DMD: variants seen among roughly 807,000 people sequenced by gnomAD.
The protein encoded by DMD is dystrophin, also known as mutant dystrophin.
A neutral mutation model predicts 330.1 loss-of-function variants in DMD; 63 were observed. That is an observed-to-expected ratio of 0.19 (90% CI 0.16 to 0.24). DMD has a LOEUF of 0.24. Ranked by LOEUF, DMD falls within the 10% of genes least tolerant of loss-of-function variation. DMD has a pLI of 1.00. For synonymous variants in DMD, 1,223 were observed against 959.8 expected (o/e 1.27, Z -5.07); for missense variants, 3,344 against 2,684.1 (o/e 1.25, Z -5.43).
At chrX:32,260,841 A>G (rs1397031988) in intron 43 of DMD, among the ~76,000 whole-genome samples, 1 of 112,068 alleles carries the variant, frequency 8.9e-6, no homozygotes, top group East Asian at 2.8e-4. Flanking sequence ...TATATATAAA[A>G]TTACACTCCA....
At chrX:32,791,891 C>A (rs181716707) in intron 7 of DMD, among the ~76,000 whole-genome samples, 1,340 of 109,999 alleles carry the variant, frequency 0.012, 22 homozygotes, top group African/African-American at 0.043. Flanking sequence ...GCTGAAAGAT[C>A]TCAAAAAGGG....
At chrX:33,108,175 T>A (rs1223412762) in intron 1 of DMD, among the ~76,000 whole-genome samples, 1 of 23,134 alleles carries the variant, frequency 4.3e-5, no homozygotes, top group African/African-American at 1.3e-4. Context: ...TTAATTTTAT[T>A]AGGTTTTTTT....
chrX:31,479,196 C>CA, intron 57 of DMD, 93 bp from the exon 58 acceptor site: 1 of 1,011,845 alleles, frequency 9.9e-7, no homozygotes, highest in Non-Finnish European at 1.4e-6. Context: ...ATGAAACTCC[C>CA]AGGTCAATTT....
rs868278348 is a variant in DMD at position 32,252,755 on chromosome X, A to T, written c.6290+34774T>A. The stretch of plus-strand genomic sequence containing the variant: ...ATAAATATATATATAAATATATATA[A>T]ATATATAAATATATATAAATATATA... On this transcript the variant is annotated intron_variant, in intron 43 of 78. Transcript: ENST00000357033. Among the ~76,000 whole-genome samples the T allele has an allele frequency of 2.2e-3, 70 of 32,510 alleles. 2 individuals carry two copies. Among genetic ancestry groups the T allele is most frequent in the Admixed American group, 2.6e-3 (4 of 1,553 alleles). The allele number at this position is 32,510 out of a possible 115,157, so 28.2% of individuals were successfully genotyped here. A position where few individuals can be genotyped will look rare whatever the true frequency, so the allele number is the denominator to read the frequency against.
At chrX:32,332,357 A>C (rs780013186) in intron 41 of DMD, among the ~76,000 whole-genome samples, 1 of 108,896 alleles carries the variant, frequency 9.2e-6, no homozygotes, top group East Asian at 2.9e-4. Context: ...AATATTGAGA[A>C]CTTTCCTGGT....
chrX:33,320,434 A>G (rs780802222), intron 1 of DMD, among the ~76,000 whole-genome samples: 27 of 112,260 alleles, frequency 2.4e-4, no homozygotes, highest in Non-Finnish European at 4.1e-4. Flanking sequence ...AGTGTATATA[A>G]AAGTTATATT....
chrX:33,258,615 C>T (rs2052898191), intron 1 of DMD, among the ~76,000 whole-genome samples: 1 of 111,003 alleles, frequency 9.0e-6, no homozygotes. Context: ...AAACGACTGG[C>T]AACAAAATGA....
At chrX:32,044,860 G>A (rs1229838447) in intron 44 of DMD, among the ~76,000 whole-genome samples, 1 of 112,149 alleles carries the variant, frequency 8.9e-6, no homozygotes. Flanking sequence ...ATTATGACAA[G>A]GCAGTGATTT....
At chrX:32,357,152 G>T (rs941498416) in intron 37 of DMD, among the ~76,000 whole-genome samples, 1 of 112,088 alleles carries the variant, frequency 8.9e-6, no homozygotes, top group Non-Finnish European at 1.9e-5. Context: ...GCCTCCCAAA[G>T]TGTTGGGATT....
intron 1 of DMD, among the ~76,000 whole-genome samples, chrX:33,334,779 TA>T (rs1296940979): frequency 1.8e-5 from 2 of 110,573 alleles, no homozygotes; most frequent in East Asian, 2.9e-4. Context: ...AATAAATGTC[TA>T]AAAAAAAGAA....
chrX:31,620,891 A>G lies in DMD; in HGVS notation c.8217+6782T>C, dbSNP rs2078494759. Among the ~76,000 whole-genome samples the G allele has an allele frequency of 3.6e-5, 4 of 111,847 alleles. No individual in the cohort carries two copies. In the South Asian group the frequency reaches 1.5e-3, roughly 42 times the overall value. On this transcript the variant is annotated intron_variant, in intron 55 of 78. Transcript: ENST00000357033. Reference sequence around the variant, plus strand: ...GACATTTAGATATATTTCTGAGTGGACCATGGAGAAATTCAAATAACGACA... The same window carrying G: ...GACATTTAGATATATTTCTGAGTGGGCCATGGAGAAATTCAAATAACGACA...
At chrX:31,231,123 C>A (rs2047156209) in intron 63 of DMD, among the ~76,000 whole-genome samples, 1 of 110,878 alleles carries the variant, frequency 9.0e-6, no homozygotes, top group African/African-American at 3.3e-5. Flanking sequence ...AGGATCAGGG[C>A]TCTAACTCCC....
chrX:33,266,944 G>A (rs2053052442), intron 1 of DMD, among the ~76,000 whole-genome samples: 1 of 110,241 alleles, frequency 9.1e-6, no homozygotes, highest in Non-Finnish European at 1.9e-5. Flanking sequence ...ACAAAACAAG[G>A]ATGCCCACTC....
chrX:32,783,359 TAC>T (rs760621406), intron 7 of DMD, among the ~76,000 whole-genome samples: 2 of 103,432 alleles, frequency 1.9e-5, no homozygotes, highest in Admixed American at 1.1e-4. Context: ...GGTATATATA[TAC>T]ACACATATAT....
intron 7 of DMD, among the ~76,000 whole-genome samples, chrX:32,739,061 G>A (rs953647232): frequency 1.8e-5 from 2 of 111,927 alleles, no homozygotes; most frequent in Middle Eastern, 4.2e-3. Flanking sequence ...GCCAAGTCCT[G>A]CACTAAATGT....
rs373145362 is a variant in DMD, at chrX:31,476,456, A to G, written c.8937+1650T>C. Among the ~76,000 whole-genome samples the G allele has an allele frequency of 4.9e-5, 5 of 102,286 alleles. No individual in the cohort carries two copies. The East Asian group carries it at 1.6e-3, about 32-fold the overall frequency. The allele number at this position is 102,286 out of a possible 115,157, so 88.8% of individuals were successfully genotyped here. ...ACACACATACTTTACAGACACACAC[A>G]TTCAATACACTCTGCCCATATCACC... On this transcript the variant is annotated intron_variant, in intron 59 of 78. Coordinates refer to ENST00000357033, the MANE Select transcript of DMD (RefSeq NM_004006.3).
chrX:31,545,837 T>C (rs139054039), intron 55 of DMD, among the ~76,000 whole-genome samples: 3,856 of 111,778 alleles, frequency 0.034, 167 homozygotes, highest in African/African-American at 0.12. Flanking sequence ...TATGTGCGAG[T>C]TACTGTCCTA....
At chrX:32,192,287 C>G (rs2096979554) in intron 44 of DMD, among the ~76,000 whole-genome samples, 1 of 111,637 alleles carries the variant, frequency 9.0e-6, no homozygotes, top group Non-Finnish European at 1.9e-5. Context: ...GATTCAAAGT[C>G]AGCCATAAAG....
chrX:32,472,044 C>T, intron 22 of DMD, 120 bp downstream of exon 22: 4 of 902,955 alleles, frequency 4.4e-6, no homozygotes, highest in South Asian at 4.2e-5. Context: ...TTCATTTGCT[C>T]AATGGGCAAA....
Sources: allele counts gnomAD v4.1 joint callset (sites outside exome capture counted in the v4.1 genomes callset), GRCh38; gene constraint gnomAD v4.1.1; transcripts MANE v1.5; gene names NCBI Gene and HGNC (gene_info 2026-07-23, HGNC 2026-07-21).